VAV3: variants seen among roughly 807,000 people sequenced by gnomAD.
VAV3 encodes the protein vav guanine nucleotide exchange factor 3, also known as guanine nucleotide exchange factor VAV3.
A neutral mutation model predicts 131.2 loss-of-function variants in VAV3; 94 were observed. The observed-to-expected ratio is 0.72, with a 90% CI of 0.61 to 0.85. VAV3 has a LOEUF of 0.85. VAV3 is among the 40% of genes least tolerant of loss of function. The pLI is 0.00. For missense variants in VAV3, 939 were observed against 1,002.7 expected, an observed-to-expected ratio of 0.94 and a Z score of 0.86; for synonymous variants, 349 against 342.0, an observed-to-expected ratio of 1.02 and a Z score of -0.22.
intron 15 of VAV3, among the ~76,000 whole-genome samples, chr1:107,710,367 A>C (rs58892985): frequency 1.3e-5 from 2 of 152,226 alleles, no homozygotes; most frequent in South Asian, 4.1e-4. Flanking sequence ...TCAGTGCTTC[A>C]AAAACACCTG....
intron 2 of VAV3, among the ~76,000 whole-genome samples, chr1:107,814,164 T>C (rs1383248432): frequency 6.6e-6 from 1 of 152,256 alleles, no homozygotes; most frequent in South Asian, 2.1e-4. Context: ...TTTGAATAAA[T>C]ACCCAGTCAG....
chr1:107,753,536 A>ATATATATACATATATATATATG (rs1557822107), intron 12 of VAV3, among the ~76,000 whole-genome samples: 3 of 94,926 alleles, frequency 3.2e-5, no homozygotes, highest in African/African-American at 1.1e-4. Context: ...ACGTATATAT[A>ATATATATACATATATATATATG]TATATATATA....
chr1:107,739,280 T>C (rs1024716874), intron 15 of VAV3, among the ~76,000 whole-genome samples: 1 of 152,236 alleles, frequency 6.6e-6, no homozygotes, highest in African/African-American at 2.4e-5. Flanking sequence ...TTGTCATGCA[T>C]GAAATACTTT....
chr1:107,651,718 GC>G (rs1156239580), intron 19 of VAV3, among the ~76,000 whole-genome samples: 2 of 151,296 alleles, frequency 1.3e-5, no homozygotes, highest in East Asian at 3.9e-4. Context: ...TTTCTAATTG[GC>G]TTTTCCTCAT....
chr1:107,629,473 A>G (rs1046002401), intron 20 of VAV3, among the ~76,000 whole-genome samples: 4 of 152,214 alleles, frequency 2.6e-5, no homozygotes, highest in Non-Finnish European at 5.9e-5. Flanking sequence ...GGATGACACG[A>G]TCAGAATTGT....
At chr1:107,908,635 T>C (rs992590527) in intron 1 of VAV3, among the ~76,000 whole-genome samples, 1 of 152,178 alleles carries the variant, frequency 6.6e-6, no homozygotes, top group Non-Finnish European at 1.5e-5. Context: ...AGAACTAAAT[T>C]ATGCATACTT....
At chr1:107,795,299 CT>C in intron 2 of VAV3, among the ~76,000 whole-genome samples, 1 of 152,300 alleles carries the variant, frequency 6.6e-6, no homozygotes, top group Non-Finnish European at 1.5e-5. Context: ...AAACTATGTC[CT>C]TTAAACCCTT....
intron 17 of VAV3, among the ~76,000 whole-genome samples, chr1:107,702,350 G>A (rs530770839): frequency 3.3e-5 from 5 of 152,246 alleles, no homozygotes; most frequent in East Asian, 1.9e-4. Flanking sequence ...CCCTTGACAC[G>A]TGGGGATTAC....
At chr1:107,724,268 A>T (rs531208970) in intron 15 of VAV3, among the ~76,000 whole-genome samples, 41 of 151,868 alleles carry the variant, frequency 2.7e-4, no homozygotes, top group Admixed American at 3.3e-4. Context: ...ACCACTCCAA[A>T]TGTGATCTAT....
intron 23 of VAV3, among the ~76,000 whole-genome samples, 171 bp downstream of exon 23, chr1:107,602,876 T>C (rs1051352716): frequency 6.6e-6 from 1 of 152,216 alleles, no homozygotes; most frequent in African/African-American, 2.4e-5. Flanking sequence ...TAACACTTTT[T>C]ACTGTTTTTC....
At chr1:107,733,980 A>G (rs145661785) in intron 15 of VAV3, among the ~76,000 whole-genome samples, 6,195 of 152,326 alleles carry the variant, frequency 0.041, 199 homozygotes, top group Non-Finnish European at 0.054. Context: ...GTTACCCACA[A>G]AGGAAAGCCC....
At chr1:107,591,728 C>A (rs1257965129) in intron 25 of VAV3, among the ~76,000 whole-genome samples, 1 of 152,148 alleles carries the variant, frequency 6.6e-6, no homozygotes, top group Non-Finnish European at 1.5e-5. Context: ...TTCATTCAGA[C>A]TCCCCAAATG....
intron 2 of VAV3, among the ~76,000 whole-genome samples, chr1:107,843,365 A>AATATATATATATAT (rs34150658): frequency 1.7e-4 from 24 of 139,970 alleles, no homozygotes; most frequent in African/African-American, 5.7e-4. Flanking sequence ...GCACAACACA[A>AATATATATATATAT]ATATATATAT....
chr1:107,941,276 A>C (rs184312051), intron 1 of VAV3, among the ~76,000 whole-genome samples: 2 of 152,318 alleles, frequency 1.3e-5, no homozygotes, highest in Admixed American at 6.5e-5. Context: ...TAAAGGACTA[A>C]ACTGAATGTG....
intron 1 of VAV3, among the ~76,000 whole-genome samples, chr1:107,924,404 A>C (rs1010613267): frequency 6.6e-6 from 1 of 152,014 alleles, no homozygotes; most frequent in Non-Finnish European, 1.5e-5. Context: ...AAAAAAAAAA[A>C]AACCCTGTAA....
At chr1:107,659,384 T>C (rs553174448) in intron 19 of VAV3, among the ~76,000 whole-genome samples, 20 of 152,284 alleles carry the variant, frequency 1.3e-4, no homozygotes, top group Admixed American at 1.2e-3. Flanking sequence ...TTACTAAATA[T>C]ATTAATGGCC....
In VAV3 at chr1:107,933,445, C is replaced by T. The variant is rs555138849; in HGVS notation, c.204+31221G>A. ...CTCAGAGTCCATCTACATTAATTAG[C>T]TCACTTCAAGGTTAGCAATTAGAAG... On this transcript the variant is annotated intron_variant, in intron 1 of 26. Coordinates refer to ENST00000370056, the MANE Select transcript of VAV3 (RefSeq NM_006113.5). 3.0e-4 allele frequency among the ~76,000 whole-genome samples: 46 copies of T among 152,142 alleles called. No homozygotes were observed. The South Asian group carries it at 3.9e-3, about 13-fold the overall frequency.
intron 17 of VAV3, among the ~76,000 whole-genome samples, chr1:107,694,397 C>T (rs1202751930): frequency 6.6e-6 from 1 of 152,146 alleles, no homozygotes; most frequent in Non-Finnish European, 1.5e-5. Context: ...GAAAGGGAGG[C>T]ATTTTTGTCA....
intron 1 of VAV3, among the ~76,000 whole-genome samples, chr1:107,924,743 C>CACCATTGGG (rs2101171508): frequency 6.6e-6 from 1 of 152,250 alleles, no homozygotes; most frequent in South Asian, 2.1e-4. Flanking sequence ...TCTTTACAGA[C>CACCATTGGG]ACCATTGGGG....
Sources: allele counts gnomAD v4.1 joint callset (sites outside exome capture counted in the v4.1 genomes callset), GRCh38; gene constraint gnomAD v4.1.1; transcripts MANE v1.5; gene names NCBI Gene and HGNC (gene_info 2026-07-23, HGNC 2026-07-21).